The following SPIDR variants were observed in gnomAD, a reference collection of about 807,000 sequenced individuals.
SPIDR encodes the protein DNA repair-scaffolding protein.
A neutral mutation model predicts 104.6 loss-of-function variants in SPIDR; 93 were observed. The observed-to-expected ratio is 0.89, with a 90% CI of 0.75 to 1.06. The LOEUF is 1.06. Ranked by LOEUF, SPIDR falls within the 50% of genes least tolerant of loss-of-function variation. The pLI, the probability that SPIDR is intolerant of heterozygous loss-of-function variation, is 0.00. For synonymous variants in SPIDR, 431 were observed against 416.9 expected (o/e 1.03, Z -0.41); for missense variants, 1,154 against 1,111.2 (o/e 1.04, Z -0.55).
At chr8:47,331,964 ACT>A (rs1554604882) in intron 5 of SPIDR, among the ~76,000 whole-genome samples, 1 of 50,618 alleles carries the variant, frequency 2.0e-5, no homozygotes, top group East Asian at 6.9e-4. Context: ...ATTTTTTTAA[ACT>A]TTTTTTTTTT....
chr8:47,674,226 AGT>A (rs2076144789), intron 11 of SPIDR, among the ~76,000 whole-genome samples: 2 of 152,184 alleles, frequency 1.3e-5, no homozygotes, highest in Non-Finnish European at 2.9e-5. Flanking sequence ...GTCTTTTGTA[AGT>A]GTTTTCTTCA....
chr8:47,714,038 T>C (rs1374698561), intron 16 of SPIDR, among the ~76,000 whole-genome samples: 2 of 151,830 alleles, frequency 1.3e-5, no homozygotes, highest in Non-Finnish European at 2.9e-5. Context: ...GCCACTGGCA[T>C]GAGAAAGTTG....
At chr8:47,395,693 G>A (rs1456482856) in intron 5 of SPIDR, among the ~76,000 whole-genome samples, 3 of 151,936 alleles carry the variant, frequency 2.0e-5, no homozygotes, top group African/African-American at 7.2e-5. Flanking sequence ...TTGGCCATAC[G>A]ATATGAATTC....
At chr8:47,441,636 A>T (rs2069456588) in intron 8 of SPIDR, among the ~76,000 whole-genome samples, 1 of 152,170 alleles carries the variant, frequency 6.6e-6, no homozygotes, top group Admixed American at 6.5e-5. Context: ...TTTGATGAGC[A>T]GAACTTTTCT....
At chr8:47,309,776 C>T (rs1387419404) in intron 5 of SPIDR, among the ~76,000 whole-genome samples, 3 of 152,196 alleles carry the variant, frequency 2.0e-5, no homozygotes, top group African/African-American at 4.8e-5. Context: ...CAGTGGCTCA[C>T]GCCTGTAATC....
chr8:47,735,750 AT>A lies in SPIDR; in HGVS notation c.*308del, dbSNP rs990202351. 4.4e-5 allele frequency: 26 copies of A among 586,424 alleles called. No homozygotes were observed. The highest frequency in any genetic ancestry group is 9.3e-4 in the Middle Eastern group (2 of 2,140). The allele number at this position is 586,424 out of a possible 1,614,324, so 36.3% of individuals were successfully genotyped here. ...TATTTAGGCAATATATGAGAAAAAA[AT>A]TTTTTTTGTTCATTTGTAATTTTAA... On this transcript the variant is annotated 3_prime_UTR_variant, in exon 20 of 20. Coordinates refer to ENST00000297423, the MANE Select transcript of SPIDR (RefSeq NM_001080394.4).
At chr8:47,415,682 C>T (rs1345082565) in intron 7 of SPIDR, among the ~76,000 whole-genome samples, 1 of 152,194 alleles carries the variant, frequency 6.6e-6, no homozygotes, top group Non-Finnish European at 1.5e-5. Flanking sequence ...TCTCACTAGG[C>T]ACAGAGTCTG....
intron 11 of SPIDR, among the ~76,000 whole-genome samples, chr8:47,689,465 A>G (rs186869781): frequency 1.2e-4 from 18 of 152,326 alleles, no homozygotes; most frequent in African/African-American, 4.3e-4. Context: ...AGAAGCAGAT[A>G]TTATTTTACC....
At chr8:47,417,957 G>T (rs1554676628) in intron 7 of SPIDR, among the ~76,000 whole-genome samples, 1 of 152,070 alleles carries the variant, frequency 6.6e-6, no homozygotes, top group Non-Finnish European at 1.5e-5. Flanking sequence ...TATTTCCGAG[G>T]GCTCTGTTTT....
At chr8:47,550,407 G>C (rs951583906) in intron 8 of SPIDR, among the ~76,000 whole-genome samples, 6 of 152,164 alleles carry the variant, frequency 3.9e-5, no homozygotes, top group African/African-American at 1.4e-4. Flanking sequence ...AGCATGGAAT[G>C]TTCTTCCATT....
intron 5 of SPIDR, among the ~76,000 whole-genome samples, chr8:47,373,185 A>G (rs189733430): frequency 1.2e-3 from 183 of 152,334 alleles, no homozygotes; most frequent in African/African-American, 4.3e-3. Context: ...GGAGTCTCCT[A>G]TTTCCTAATT....
chr8:47,372,971 G>A (rs1011017203), intron 5 of SPIDR, among the ~76,000 whole-genome samples: 19 of 152,248 alleles, frequency 1.2e-4, no homozygotes, highest in South Asian at 6.2e-4. Context: ...TGTGCTAGTC[G>A]TGAGGGCAAT....
intron 5 of SPIDR, among the ~76,000 whole-genome samples, chr8:47,342,422 C>T (rs572047488): frequency 3.3e-5 from 5 of 149,462 alleles, no homozygotes; most frequent in African/African-American, 7.5e-5. Flanking sequence ...CTGCAGCCTC[C>T]GCCTCCCGGA....
chr8:47,700,594 C>T (rs2080031700), intron 12 of SPIDR, 104 bp downstream of exon 12: 1 of 1,132,158 alleles, frequency 8.8e-7, no homozygotes, highest in Non-Finnish European at 1.3e-6. Context: ...TCCCCTGCTC[C>T]AGTGGCAACA....
At chr8:47,528,189 G>C (rs895993610) in intron 8 of SPIDR, 1 of 152,074 alleles carries the variant, frequency 6.6e-6, no homozygotes, top group Non-Finnish European at 1.5e-5. Flanking sequence ...TGTTCACATG[G>C]GGCCAATCTG....
chr8:47,428,909 A>G (rs530616232), intron 7 of SPIDR, among the ~76,000 whole-genome samples: 3 of 152,328 alleles, frequency 2.0e-5, no homozygotes, highest in Admixed American at 6.5e-5. Context: ...CCTCTGACCA[A>G]TAAAACCACA....
chr8:47,306,058 T>C (rs1043995349), intron 5 of SPIDR, among the ~76,000 whole-genome samples: 1 of 152,252 alleles, frequency 6.6e-6, no homozygotes, highest in South Asian at 2.1e-4. Context: ...CTCATATGAA[T>C]AGAATCATAC....
At chr8:47,475,815 G>T (rs940823902) in intron 8 of SPIDR, among the ~76,000 whole-genome samples, 1 of 152,104 alleles carries the variant, frequency 6.6e-6, no homozygotes. Context: ...TCCGCCCCCC[G>T]CACCCCTTTT....
chr8:47,545,157 C>T (rs2089126241), intron 8 of SPIDR, among the ~76,000 whole-genome samples: 1 of 135,688 alleles, frequency 7.4e-6, no homozygotes, highest in Non-Finnish European at 1.5e-5. Flanking sequence ...GTCTCACTGT[C>T]TCGCCCAGGC....
Sources: allele counts gnomAD v4.1 joint callset (sites outside exome capture counted in the v4.1 genomes callset), GRCh38; gene constraint gnomAD v4.1.1; transcripts MANE v1.5; gene names NCBI Gene and HGNC (gene_info 2026-07-23, HGNC 2026-07-21).